PRUNE2: variants seen among roughly 807,000 people sequenced by gnomAD.
PRUNE2 encodes the protein protein prune homolog 2.
PRUNE2 carries 164 observed loss-of-function variants against 252.0 expected under a neutral mutation model. That is an observed-to-expected ratio of 0.65 (90% confidence interval 0.57 to 0.74). PRUNE2 has a LOEUF of 0.74. Ranked by LOEUF, PRUNE2 falls within the 30% of genes least tolerant of loss-of-function variation. PRUNE2 has a pLI of 0.00. For missense variants in PRUNE2, 3,495 were observed against 3,711.0 expected, an observed-to-expected ratio of 0.94 and a Z score of 1.51; for synonymous variants, 1,292 against 1,350.2, an observed-to-expected ratio of 0.96 and a Z score of 0.94.
At chr9:76,636,372 G>T in intron 15 of PRUNE2, 99 bp downstream of exon 15, 1 of 703,232 alleles carries the variant, frequency 1.4e-6, no homozygotes. Context: ...ATATTTCCCT[G>T]GGTACTCTTA....
intron 6 of PRUNE2, among the ~76,000 whole-genome samples, chr9:76,776,576 AC>A (rs1326450311): frequency 7.8e-6 from 1 of 128,656 alleles, no homozygotes; most frequent in Non-Finnish European, 1.5e-5. Flanking sequence ...AGTGCAGTGC[AC>A]AATCTCGGCT....
intron 1 of PRUNE2, among the ~76,000 whole-genome samples, chr9:76,870,769 C>T (rs1274559754): frequency 6.6e-6 from 1 of 150,556 alleles, no homozygotes; most frequent in South Asian, 2.1e-4. Context: ...GGAGTGAGGG[C>T]AAGAGAAGAC....
At chr9:76,636,313 T>C (rs561450) in intron 15 of PRUNE2, among the ~76,000 whole-genome samples, 158 bp downstream of exon 15, 124,847 of 152,080 alleles carry the variant, frequency 0.82, 51,364 homozygotes, top group South Asian at 0.86. Context: ...TAATTCGGGA[T>C]TCTTGATGAA....
At position 76,796,779 on chromosome 9, in the gene PRUNE2, G is replaced by A. The variant is rs552751857; in HGVS notation, c.756+26853C>T. On this transcript the variant is annotated intron_variant, in intron 6 of 18. Coordinates refer to ENST00000376718, the MANE Select transcript of PRUNE2 (RefSeq NM_015225.3). Reference sequence around the variant, plus strand: ...CGGGTAAAGCTGACCACTTTCCCCCGTGTGGGTAGACCCCATCCAATCAAC... The same window carrying A: ...CGGGTAAAGCTGACCACTTTCCCCCATGTGGGTAGACCCCATCCAATCAAC... 9.5e-4 allele frequency among the ~76,000 whole-genome samples: 145 copies of A among 152,252 alleles called. 1 individual carries two copies. Among genetic ancestry groups the A allele is most frequent in the Non-Finnish European group, 1.7e-3 (114 of 68,018 alleles).
At chr9:76,902,262 T>G (rs2063224705) in intron 1 of PRUNE2, among the ~76,000 whole-genome samples, 1 of 151,440 alleles carries the variant, frequency 6.6e-6, no homozygotes, top group Non-Finnish European at 1.5e-5. Context: ...TGAGGGTCAT[T>G]TCCCAAATCA....
At chr9:76,689,715 C>T (rs1008556225) in intron 9 of PRUNE2, among the ~76,000 whole-genome samples, 2 of 152,100 alleles carry the variant, frequency 1.3e-5, no homozygotes, top group Non-Finnish European at 1.5e-5. Flanking sequence ...GAGCTAAGAC[C>T]CCTGAGTTCT....
At chr9:76,897,338 G>A (rs527700372) in intron 1 of PRUNE2, among the ~76,000 whole-genome samples, 4 of 148,784 alleles carry the variant, frequency 2.7e-5, no homozygotes, top group African/African-American at 7.4e-5. Context: ...CAGGTGATCC[G>A]GAAGCAAACT....
At chr9:76,649,566 A>G (rs1351563206) in intron 11 of PRUNE2, among the ~76,000 whole-genome samples, 2 of 152,002 alleles carry the variant, frequency 1.3e-5, no homozygotes, top group African/African-American at 4.8e-5. Flanking sequence ...AGCCTAGGTG[A>G]CATAGTGAGG....
At chr9:76,788,366 A>G (rs970349012) in intron 6 of PRUNE2, 2 of 742,100 alleles carry the variant, frequency 2.7e-6, no homozygotes, top group African/African-American at 3.4e-5. Flanking sequence ...TAGTTATTAT[A>G]TATACTGGAC....
chr9:76,861,243 G>A (rs1022885157), intron 1 of PRUNE2, among the ~76,000 whole-genome samples: 4 of 152,144 alleles, frequency 2.6e-5, no homozygotes, highest in East Asian at 1.9e-4. Flanking sequence ...GTAAATAAAC[G>A]AGATGCCTCT....
At chr9:76,664,192 G>A (rs552921754) in intron 9 of PRUNE2, among the ~76,000 whole-genome samples, 3 of 152,322 alleles carry the variant, frequency 2.0e-5, no homozygotes, top group Non-Finnish European at 2.9e-5. Flanking sequence ...AAAGCACTGT[G>A]TGCTTTGTTC....
In PRUNE2 at chr9:76,642,029, G is replaced by C. The variant is rs774787154; in HGVS notation, c.8728+2710C>G. On this transcript the variant is annotated intron_variant, in intron 12 of 18. Transcript: ENST00000376718. ...AAAAAAAAAAAAAAGAAAAGAAAAA[G>C]AAAAGAAACTCCTTGTTAAAATTAC... 7 of 1,178,134 alleles carry C rather than the reference G, an allele frequency of 5.9e-6. No homozygotes were observed. In the South Asian group the frequency reaches 1.1e-4, roughly 18 times the overall value. 73.0% of individuals were successfully genotyped at this position (1,178,134 alleles called of 1,614,324 possible). A position where few individuals can be genotyped will look rare whatever the true frequency, so the allele number is the denominator to read the frequency against.
chr9:76,737,844 CTT>C (rs1461634287), intron 6 of PRUNE2: 4 of 152,214 alleles, frequency 2.6e-5, no homozygotes, highest in Non-Finnish European at 5.9e-5. Context: ...TTATTTAACT[CTT>C]TATAATTCCA....
intron 9 of PRUNE2, among the ~76,000 whole-genome samples, chr9:76,657,281 G>C (rs1044341294): frequency 6.6e-6 from 1 of 152,194 alleles, no homozygotes; most frequent in Non-Finnish European, 1.5e-5. Context: ...TATTGAGCCT[G>C]AAATATTCTA....
chr9:76,836,750 AAAGCCTGAAC>A (rs1485068302), intron 4 of PRUNE2, among the ~76,000 whole-genome samples: 1 of 152,222 alleles, frequency 6.6e-6, no homozygotes, highest in East Asian at 1.9e-4. Flanking sequence ...AATCCCCCAC[AAAGCCTGAAC>A]ACATTTTGGT....
intron 6 of PRUNE2, among the ~76,000 whole-genome samples, chr9:76,809,517 G>A (rs1199680731): frequency 6.6e-6 from 1 of 152,148 alleles, no homozygotes; most frequent in Non-Finnish European, 1.5e-5. Flanking sequence ...CCAACATGGT[G>A]AAACCCCGTC....
In PRUNE2 at chr9:76,704,837, A is replaced by G; in HGVS notation, c.7437T>C (p.Ser2479=). ...CTACTTCCCAGTCAACGTTTGATGG[A>G]GACAAAATGTTGGAGCCTGCTCCTA... ...LPVGAGSNIL[S]PSNVDWEVET... is the part of the protein sequence containing the mutation. The change falls in exon 8 of 19, where the codon TCT becomes TCC. Residue 2479 remains serine, a synonymous_variant. Coordinates refer to ENST00000376718, the MANE Select transcript of PRUNE2 (RefSeq NM_015225.3). 6.3e-7 allele frequency: 1 copy of G among 1,594,840 alleles called. No individual in the cohort carries two copies. Among genetic ancestry groups the G allele is most frequent in the Non-Finnish European group, 8.6e-7 (1 of 1,169,334 alleles).
Position 76,708,702 on chromosome 9 carries a change from G to A in PRUNE2, c.3572C>T (p.Ala1191Val), listed in dbSNP as rs560492060. Residue 1191 changes from alanine to valine, a missense_variant, in exon 8 of 19, where the codon GCC (alanine) becomes GTC (valine). Transcript: ENST00000376718. ...ACTGTCCTTGGTATGCTCATCAGAG[G>A]CAGGGAGCTCCCAATCTACCTGATT... ...EANQVDWELP[A>V]SDEHTKDSAP... 4.4e-5 allele frequency: 71 copies of A among 1,613,914 alleles called. No homozygotes were observed. The South Asian group carries it at 7.1e-4, about 16-fold the overall frequency.
intron 9 of PRUNE2, among the ~76,000 whole-genome samples, chr9:76,672,085 C>A (rs1469254096): frequency 6.6e-6 from 1 of 151,704 alleles, no homozygotes; most frequent in Non-Finnish European, 1.5e-5. Flanking sequence ...ACTAAATGCT[C>A]CAATTAAAAG....
Sources: gnomAD v4.1 joint callset for allele counts (sites outside exome capture counted in the v4.1 genomes callset) on GRCh38, gnomAD v4.1.1 for gene constraint, MANE v1.5 for transcripts, NCBI Gene and HGNC (gene_info 2026-07-23, HGNC 2026-07-21) for gene names.